The following TTC28 variants were observed in gnomAD, a reference collection of about 807,000 sequenced individuals.
TTC28 encodes the protein tetratricopeptide repeat domain 28.
A neutral mutation model predicts 198.0 loss-of-function variants in TTC28; 61 were observed. The observed-to-expected ratio is 0.31, with a 90% CI of 0.25 to 0.38. The LOEUF is 0.38. Ranked by LOEUF, TTC28 falls within the 10% of genes least tolerant of loss-of-function variation. The pLI is 1.00. For synonymous variants in TTC28, 1,171 were observed against 1,297.8 expected (o/e 0.90, Z 2.10); for missense variants, 2,678 against 3,164.0 (o/e 0.85, Z 3.69).
intron 5 of TTC28, among the ~76,000 whole-genome samples, chr22:28,288,555 C>G (rs1416198948): frequency 6.6e-6 from 1 of 152,130 alleles, no homozygotes; most frequent in Non-Finnish European, 1.5e-5. Flanking sequence ...CGCCTGTAAT[C>G]CCAGCACTTT....
intron 5 of TTC28, among the ~76,000 whole-genome samples, chr22:28,264,514 T>G (rs888787562): frequency 2.0e-5 from 3 of 152,154 alleles, no homozygotes; most frequent in Non-Finnish European, 4.4e-5. Context: ...AGGGTGTCCA[T>G]TACAGGCTCT....
At chr22:28,499,652 G>T (rs1475854167) in intron 2 of TTC28, among the ~76,000 whole-genome samples, 1 of 152,118 alleles carries the variant, frequency 6.6e-6, no homozygotes, top group Non-Finnish European at 1.5e-5. Context: ...CAAATTCACT[G>T]CTTCTGTCTT....
At chr22:28,283,252 CT>C (rs2044618718) in intron 5 of TTC28, among the ~76,000 whole-genome samples, 1 of 151,992 alleles carries the variant, frequency 6.6e-6, no homozygotes, top group African/African-American at 2.4e-5. Context: ...AAATGTAATG[CT>C]TTTTACCTTT....
At chr22:28,020,262 T>C (rs764732150) in intron 13 of TTC28, among the ~76,000 whole-genome samples, 37 of 152,242 alleles carry the variant, frequency 2.4e-4, no homozygotes, top group Admixed American at 9.2e-4. Flanking sequence ...CGGGACCCAG[T>C]TGGACTGACA....
intron 2 of TTC28, among the ~76,000 whole-genome samples, chr22:28,516,816 GAT>G (rs1345807919): frequency 6.6e-6 from 1 of 151,896 alleles, no homozygotes; most frequent in Non-Finnish European, 1.5e-5. Context: ...TGAAGTAACA[GAT>G]ATGTTAATCA....
intron 5 of TTC28, among the ~76,000 whole-genome samples, chr22:28,255,545 G>T (rs1430217150): frequency 6.6e-6 from 1 of 152,106 alleles, no homozygotes; most frequent in Admixed American, 6.5e-5. Context: ...GCCAGGCGAG[G>T]TGGCACGTGC....
At chr22:28,328,072 A>G (rs1181927363) in intron 2 of TTC28, among the ~76,000 whole-genome samples, 1 of 152,204 alleles carries the variant, frequency 6.6e-6, no homozygotes, top group Admixed American at 6.5e-5. Flanking sequence ...AATAAATTGT[A>G]AAAGTGCAAT....
chr22:28,328,049 G>C (rs1050277010), intron 2 of TTC28, among the ~76,000 whole-genome samples: 2 of 151,976 alleles, frequency 1.3e-5, no homozygotes, highest in Non-Finnish European at 2.9e-5. Flanking sequence ...TAAACACACA[G>C]TTAATACAAT....
Position 28,336,205 on chromosome 22 carries a change from T to G in TTC28, c.382-29562A>C, listed in dbSNP as rs531737672. Among the ~76,000 whole-genome samples, 215 of 152,268 alleles carry G rather than the reference T, an allele frequency of 1.4e-3. 1 individual carries two copies. Among genetic ancestry groups the G allele is most frequent in the African/African-American group, 4.8e-3 (200 of 41,566 alleles). On this transcript the variant is annotated intron_variant, in intron 2 of 22. Transcript: ENST00000397906. ...GGATGAAGCCTGCTTGATCGTGGTG[T>G]ATAAGCTTGTTGATGTGCTGCTGGA...
intron 6 of TTC28, among the ~76,000 whole-genome samples, chr22:28,132,090 T>C (rs1943071369): frequency 1.3e-5 from 2 of 151,988 alleles, no homozygotes. Flanking sequence ...AAAAGAAAAA[T>C]GCTCAGCTAT....
chr22:28,481,124 T>G (rs1446982396), intron 2 of TTC28, among the ~76,000 whole-genome samples: 1 of 152,186 alleles, frequency 6.6e-6, no homozygotes, highest in Non-Finnish European at 1.5e-5. Context: ...ATATTTAAAG[T>G]CAACTCAACA....
chr22:27,983,486 T>C lies in TTC28; in HGVS notation c.6181A>G (p.Ile2061Val), dbSNP rs750051826. Residue 2061 changes from isoleucine (I) to valine (V), a missense_variant, in exon 23 of 23, where the codon ATC becomes GTC. This residue lies in a region of TTC28 where 622 missense variants were observed against 656.0 expected (regional missense o/e 0.95). Coordinates refer to ENST00000397906, the MANE Select transcript of TTC28 (RefSeq NM_001145418.2). ...GTCGCCAAGGGCTCGTTACTGATGA[T>C]AGAAAACCCTTCATATTCTTCTTCA... ...KDEEEYEGFS[I>V]ISNEPLATYQ... 64 of 1,547,254 alleles carry C rather than the reference T, an allele frequency of 4.1e-5. No homozygotes were observed. The Middle Eastern group carries it at 2.5e-3, about 61-fold the overall frequency.
chr22:28,330,534 C>G (rs1269208061), intron 2 of TTC28, among the ~76,000 whole-genome samples: 1 of 152,162 alleles, frequency 6.6e-6, no homozygotes, highest in Non-Finnish European at 1.5e-5. Context: ...ACATTGTTCC[C>G]TTTGTCATTT....
intron 13 of TTC28, among the ~76,000 whole-genome samples, chr22:28,021,038 A>C (rs1938575435): frequency 6.6e-6 from 1 of 152,188 alleles, no homozygotes; most frequent in Non-Finnish European, 1.5e-5. Context: ...GCATTGAGGA[A>C]TCAGGTCTCC....
At position 28,253,366 on chromosome 22, in the gene TTC28, C is replaced by T. The variant is rs552181509; in HGVS notation, c.933+42832G>A. On this transcript the variant is annotated intron_variant, in intron 5 of 22. Coordinates refer to ENST00000397906, the MANE Select transcript of TTC28 (RefSeq NM_001145418.2). Reference sequence around the variant, plus strand: ...GAGATTTTATTCACATTCCAATAAACAAAGACTGCAAATTGCCTAAATCAC... The same window carrying T: ...GAGATTTTATTCACATTCCAATAAATAAAGACTGCAAATTGCCTAAATCAC... 9.2e-5 allele frequency among the ~76,000 whole-genome samples: 14 copies of T among 152,286 alleles called. 1 individual carries two copies. In the South Asian group the frequency reaches 2.9e-3, roughly 32 times the overall value.
chr22:28,108,968 T>C (rs545168994), intron 6 of TTC28, among the ~76,000 whole-genome samples: 2 of 152,326 alleles, frequency 1.3e-5, no homozygotes, highest in East Asian at 1.9e-4. Context: ...ACTGATGAGA[T>C]TGTCCTAAAA....
intron 1 of TTC28, among the ~76,000 whole-genome samples, chr22:28,672,061 C>G (rs2051896402): frequency 6.6e-6 from 1 of 150,914 alleles, no homozygotes; most frequent in Non-Finnish European, 1.5e-5. Flanking sequence ...GAGTCTCGCT[C>G]TGTCACCCAG....
intron 2 of TTC28, among the ~76,000 whole-genome samples, chr22:28,507,919 G>A (rs930491966): frequency 6.6e-6 from 1 of 152,122 alleles, no homozygotes; most frequent in Non-Finnish European, 1.5e-5. Flanking sequence ...CACTAAATAT[G>A]GAAAGGAAAA....
At chr22:28,439,604 C>T (rs2047583780) in intron 2 of TTC28, among the ~76,000 whole-genome samples, 1 of 152,134 alleles carries the variant, frequency 6.6e-6, no homozygotes, top group Non-Finnish European at 1.5e-5. Flanking sequence ...CCTCAGTTTG[C>T]TTATATGTAA....
Sources: gnomAD v4.1 joint callset for allele counts (sites outside exome capture counted in the v4.1 genomes callset) on GRCh38, gnomAD v4.1.1 for gene constraint, gnomAD v4.1.1 regional missense constraint, MANE v1.5 for transcripts, NCBI Gene and HGNC (gene_info 2026-07-23, HGNC 2026-07-21) for gene names.